C3AR1: variants seen among roughly 807,000 people sequenced by gnomAD.
C3AR1 encodes the protein complement C3a receptor 1, also known as C3a anaphylatoxin chemotactic receptor.
For missense variants in C3AR1, 579 were observed against 583.5 expected, an observed-to-expected ratio of 0.99 and a Z score of 0.08; for synonymous variants, 208 against 225.3, an observed-to-expected ratio of 0.92 and a Z score of 0.69.
intron 1 of C3AR1, among the ~76,000 whole-genome samples, chr12:8,063,766 C>T (rs1947301286): frequency 6.6e-6 from 1 of 151,924 alleles, no homozygotes; most frequent in Non-Finnish European, 1.5e-5. Flanking sequence ...TTATGAGACA[C>T]CAAGGTTAAA....
intron 1 of C3AR1, among the ~76,000 whole-genome samples, 182 bp from the exon 2 acceptor site, chr12:8,060,377 C>A (rs1014705803): frequency 2.0e-5 from 3 of 152,078 alleles, no homozygotes; most frequent in African/African-American, 7.2e-5. Context: ...CTCTGATAGA[C>A]AATTATATTT....
At position 8,060,118 on chromosome 12, in the gene C3AR1, A is replaced by G; in HGVS notation, c.68T>C (p.Val23Ala). The G allele has an allele frequency of 6.2e-7, 1 of 1,614,060 alleles. No individual in the cohort carries two copies. The highest frequency in any genetic ancestry group is 8.5e-7 in the Non-Finnish European group (1 of 1,179,882). ...GCTGAGAATGACCATGGAGAGAATT[A>G]CTGGGGGCTCATTCCATGGCTGTGA... Reference protein sequence around the residue: ...LLSQPWNEPPVILSMVILSLT... With the variant: ...LLSQPWNEPPAILSMVILSLT... The change falls in exon 2 of 2, where the codon GTA (valine) becomes GCA (alanine). Residue 23 changes from valine to alanine, a missense_variant. Coordinates refer to ENST00000307637, the MANE Select transcript of C3AR1 (RefSeq NM_004054.4).
In C3AR1 at chr12:8,058,844, G is replaced by T. The variant is rs374256772; in HGVS notation, c.1342C>A (p.Gln448Lys). Residue 448 changes from glutamine to lysine, a missense_variant, in exon 2 of 2, where the codon CAG becomes AAG. Gln to Lys is a moderately conservative substitution (Grantham distance 53). Coordinates refer to ENST00000307637, the MANE Select transcript of C3AR1 (RefSeq NM_004054.4). ...GCCTCCAGAATTCCCTGAATGGACT[G>T]CCTTGCTTTCTTCCTAAAATCTTTC... The part of the protein sequence containing the change: ...LGKDFRKKAR[Q>K]SIQGILEAAF... 6.2e-6 allele frequency: 10 copies of T among 1,614,188 alleles called. No individual in the cohort carries two copies. The South Asian group carries it at 1.1e-4, about 18-fold the overall frequency.
chr12:8,063,497 A>G (rs1429502005), intron 1 of C3AR1, among the ~76,000 whole-genome samples: 3 of 151,998 alleles, frequency 2.0e-5, no homozygotes, highest in African/African-American at 2.4e-5. Context: ...CACTATTCCA[A>G]CTTAATGCCA....
rs927246600 is a variant in C3AR1, at chr12:8,057,752, G to A, written c.*985C>T. On this transcript the variant is annotated 3_prime_UTR_variant, in exon 2 of 2. Transcript: ENST00000307637. ...CTGGTAGGGTACTCAGTTGCAGAGAGTAGAAGAATTGCTGCTCCATCCTCC... is the reference window on the plus strand; with the variant it reads ...CTGGTAGGGTACTCAGTTGCAGAGAATAGAAGAATTGCTGCTCCATCCTCC... Among the ~76,000 whole-genome samples, 1 of 152,166 alleles carries A rather than the reference G, an allele frequency of 6.6e-6. No individual in the cohort carries two copies. The highest frequency in any genetic ancestry group is 1.5e-5 in the Non-Finnish European group (1 of 68,030).
chr12:8,064,872 GTTGTTTGT>G lies in C3AR1; in HGVS notation c.-11+1398_-11+1405del, dbSNP rs754839414. On this transcript the variant is annotated intron_variant, in intron 1 of 1. Transcript: ENST00000307637. ...CTCTCCTCATTTTGTTGTTGTTGTT[GTTGTTTGT>G]TTGTTTGTTTGTTTGTAGAGATAGG... Among the ~76,000 whole-genome samples, 8 of 151,490 alleles carry G rather than the reference GTTGTTTGT, an allele frequency of 5.3e-5. No homozygotes were observed. In the South Asian group the frequency reaches 1.3e-3, roughly 24 times the overall value.
intron 1 of C3AR1, among the ~76,000 whole-genome samples, chr12:8,060,673 G>T (rs953062353): frequency 6.6e-6 from 1 of 152,182 alleles, no homozygotes; most frequent in Non-Finnish European, 1.5e-5. Flanking sequence ...GGGATTATAG[G>T]CATGAGCCAC....
At position 8,058,676 on chromosome 12, in the gene C3AR1, T is replaced by A; in HGVS notation, c.*61A>T. On this transcript the variant is annotated 3_prime_UTR_variant, in exon 2 of 2. Coordinates refer to ENST00000307637, the MANE Select transcript of C3AR1 (RefSeq NM_004054.4). ...CGCTGCTCACCATATCACTTCATCC[T>A]CTTATAAACTTTCACTATGTGATTG... 1.3e-6 allele frequency: 2 copies of A among 1,525,036 alleles called. No homozygotes were observed. Among genetic ancestry groups the A allele is most frequent in the Non-Finnish European group, 1.8e-6 (2 of 1,134,506 alleles). The allele number at this position is 1,525,036 out of a possible 1,614,324, so 94.5% of individuals were successfully genotyped here.
rs754984609 is a variant in C3AR1 at position 8,058,984 on chromosome 12, A to T, written c.1202T>A (p.Leu401Ter). ...CAAGGGAGTTTCTGGGTCAGTAAGC[A>T]ATGACAGGACTCCAAAAATGTGGTA... ...TPYHIFGVLS[L>*]LTDPETPLGK... The change falls in exon 2 of 2, where the codon TTG becomes TAG. Residue 401 changes from leucine to a stop codon, truncating the protein, a stop_gained. Coordinates refer to ENST00000307637, the MANE Select transcript of C3AR1 (RefSeq NM_004054.4). LOFTEE classifies it low-confidence loss of function (END_TRUNC). 3 of 1,614,106 alleles carry T rather than the reference A, an allele frequency of 1.9e-6. No individual in the cohort carries two copies. In the African/African-American group the frequency reaches 4.0e-5, roughly 22 times the overall value.
At chr12:8,065,620 C>CTCCA (rs930516309) in intron 1 of C3AR1, among the ~76,000 whole-genome samples, 1 of 145,858 alleles carries the variant, frequency 6.9e-6, no homozygotes, top group African/African-American at 2.6e-5. Context: ...TGCTACTGTA[C>CTCCA]TCCAGCCTGG....
intron 1 of C3AR1, among the ~76,000 whole-genome samples, chr12:8,063,095 T>C (rs1947293218): frequency 6.6e-6 from 1 of 151,134 alleles, no homozygotes; most frequent in Non-Finnish European, 1.5e-5. Flanking sequence ...GGAGCTGGGA[T>C]TACAGGCGTG....
Position 8,060,025 on chromosome 12 carries a change from C to T in C3AR1, c.161G>A (p.Arg54Gln), listed in dbSNP as rs745382932. ...GAGGAACCAAATTGTGTTCACTGTC[C>T]GCTGCATCTTCAGGCCAGCCACCCA... ...VLWVAGLKMQ[R>Q]TVNTIWFLHL... is the part of the protein sequence containing the mutation. The change falls in exon 2 of 2, where the codon CGG becomes CAG. Residue 54 changes from arginine to glutamine, a missense_variant. By Grantham distance (43) the Arg-to-Gln change is conservative. Transcript: ENST00000307637. 59 of 1,613,900 alleles carry T rather than the reference C, an allele frequency of 3.7e-5. No individual in the cohort carries two copies. The East Asian group carries it at 4.7e-4, about 13-fold the overall frequency.
At chr12:8,063,891 G>C (rs1021539372) in intron 1 of C3AR1, among the ~76,000 whole-genome samples, 1 of 152,044 alleles carries the variant, frequency 6.6e-6, no homozygotes, top group Non-Finnish European at 1.5e-5. Flanking sequence ...GGCTAACATG[G>C]CAAAATCCCA....
rs1565635154 is a variant in C3AR1, at chr12:8,059,129, T to G, written c.1057A>C (p.Ile353Leu). 6.2e-7 allele frequency: 1 copy of G among 1,614,200 alleles called. No individual in the cohort carries two copies. ...AAGACAATGAAGCTGTAACAGGCTATCATGATAACAGAGGGCAGCAGGAAA... is the reference window on the plus strand; with the variant it reads ...AAGACAATGAAGCTGTAACAGGCTAGCATGATAACAGAGGGCAGCAGGAAA... ...VGFLLPSVIM[I>L]ACYSFIVFRM... The change falls in exon 2 of 2, where the codon ATA (isoleucine) becomes CTA (leucine). Residue 353 changes from isoleucine (I) to leucine (L), a missense_variant. Ile to Leu is a conservative substitution (Grantham distance 5, BLOSUM62 2). Transcript: ENST00000307637.
chr12:8,066,120 A>G (rs762942106), intron 1 of C3AR1, 158 bp downstream of exon 1: 1 of 152,338 alleles, frequency 6.6e-6, no homozygotes, highest in South Asian at 2.1e-4. Flanking sequence ...GCAATGTGGA[A>G]TATTTAGAAA....
chr12:8,065,400 C>A (rs1286874688), intron 1 of C3AR1, among the ~76,000 whole-genome samples: 2 of 152,090 alleles, frequency 1.3e-5, no homozygotes, highest in Non-Finnish European at 2.9e-5. Context: ...CCTGTAATCC[C>A]AGCACTTTGG....
rs761406595 is a variant in C3AR1, at chr12:8,057,725, G to A, written c.*1012C>T. On this transcript the variant is annotated 3_prime_UTR_variant, in exon 2 of 2. Transcript: ENST00000307637. ...GTCATGTTTTAAAATGTGATGGCAA[G>A]CCTGGTAGGGTACTCAGTTGCAGAG... 2.0e-5 allele frequency among the ~76,000 whole-genome samples: 3 copies of A among 152,330 alleles called. No homozygotes were observed. The highest frequency in any genetic ancestry group is 4.1e-4 in the South Asian group (2 of 4,826).
chr12:8,060,628 C>T (rs1288293974), intron 1 of C3AR1, among the ~76,000 whole-genome samples: 8 of 152,162 alleles, frequency 5.3e-5, no homozygotes, highest in African/African-American at 1.7e-4. Flanking sequence ...CTCCTGACCT[C>T]GGGTGATCTG....
In C3AR1 at chr12:8,058,923, A is replaced by G. The variant is rs754334854; in HGVS notation, c.1263T>C (p.Ile421=). 1.2e-6 allele frequency: 2 copies of G among 1,614,164 alleles called. No individual in the cohort carries two copies. The highest frequency in any genetic ancestry group is 2.2e-5 in the South Asian group (2 of 91,086). Residue 421 remains isoleucine (I), a synonymous_variant, in exon 2 of 2, where the codon ATT becomes ATC. Transcript: ENST00000307637. ...KTLMSWDHVC[I]ALASANSCFN... is the part of the protein sequence containing the mutation. ...AGCAACTATTGGCAGATGCTAGAGCAATGCATACATGATCCCAGGACATCA... is the reference window on the plus strand; with the variant it reads ...AGCAACTATTGGCAGATGCTAGAGCGATGCATACATGATCCCAGGACATCA...
Sources: gnomAD v4.1 joint callset for allele counts (sites outside exome capture counted in the v4.1 genomes callset) on GRCh38, gnomAD v4.1.1 for gene constraint, MANE v1.5 for transcripts, NCBI Gene and HGNC (gene_info 2026-07-23, HGNC 2026-07-21) for gene names.